The following FLNB variants were observed in gnomAD, a reference collection of about 807,000 sequenced individuals.
FLNB encodes the protein filamin-B.
FLNB carries 111 observed loss-of-function variants against 250.6 expected under a neutral mutation model. The ratio of observed to expected loss-of-function variants is 0.44; its 90% CI spans 0.38 to 0.52. The LOEUF (loss-of-function observed/expected upper bound fraction) is 0.52, where lower values mean the gene tolerates loss of function less well. FLNB is among the 20% of genes least tolerant of loss of function. The pLI is 0.00. For missense variants in FLNB, 2,869 were observed against 3,447.8 expected, an observed-to-expected ratio of 0.83 and a Z score of 4.20; for synonymous variants, 1,302 against 1,372.1, an observed-to-expected ratio of 0.95 and a Z score of 1.13.
chr3:58,125,962 C>T (rs756784602), intron 23 of FLNB, among the ~76,000 whole-genome samples: 3 of 152,224 alleles, frequency 2.0e-5, no homozygotes, highest in Non-Finnish European at 4.4e-5. Context: ...AACCAGGAGT[C>T]AATCAAGCTC....
chr3:58,038,974 C>T (rs1049282124), intron 1 of FLNB, among the ~76,000 whole-genome samples: 4 of 151,084 alleles, frequency 2.6e-5, no homozygotes, highest in Non-Finnish European at 4.4e-5. Flanking sequence ...TGCCTGTAAT[C>T]GCAGCACTTT....
In FLNB at chr3:58,121,218, C is replaced by G. The variant is rs1372035966; in HGVS notation, c.2864-23C>G. On this transcript the variant is annotated intron_variant, in intron 19 of 45. Transcript: ENST00000295956. ...CTGCTGAAAAGGGTCAGCTCTTCACCTCAGCTTGTGTTTCTTTTCCAGGGG... is the reference window on the plus strand; with the variant it reads ...CTGCTGAAAAGGGTCAGCTCTTCACGTCAGCTTGTGTTTCTTTTCCAGGGG... 6.2e-6 allele frequency: 10 copies of G among 1,614,194 alleles called. No individual in the cohort carries two copies. In the South Asian group the frequency reaches 9.9e-5, roughly 16 times the overall value.
chr3:58,090,077 G>A (rs1247721196), intron 4 of FLNB, among the ~76,000 whole-genome samples: 1 of 152,058 alleles, frequency 6.6e-6, no homozygotes, highest in Non-Finnish European at 1.5e-5. Flanking sequence ...GATTACAGGT[G>A]TGAGCCACTG....
chr3:58,134,883 T>G, intron 27 of FLNB, 111 bp downstream of exon 27: 1 of 1,030,108 alleles, frequency 9.7e-7, no homozygotes, highest in Non-Finnish European at 1.5e-6. Flanking sequence ...GCAAGTTGTT[T>G]GTTAGATTTT....
At position 58,069,366 on chromosome 3, in the gene FLNB, A is replaced by C. The variant is rs371606779; in HGVS notation, c.293-7680A>C. Reference sequence around the variant, plus strand: ...GTGATTCTTGTGCCTCAGCCTCCCAAGTAGCTGGGATTACAAGGTGCCCAC... The same window carrying C: ...GTGATTCTTGTGCCTCAGCCTCCCACGTAGCTGGGATTACAAGGTGCCCAC... On this transcript the variant is annotated intron_variant, in intron 1 of 45. Coordinates refer to ENST00000295956, the MANE Select transcript of FLNB (RefSeq NM_001457.4). Among the ~76,000 whole-genome samples the C allele has an allele frequency of 7.3e-5, 11 of 151,308 alleles. No homozygotes were observed. In the East Asian group the frequency reaches 9.8e-4, roughly 13 times the overall value.
intron 11 of FLNB, among the ~76,000 whole-genome samples, chr3:58,106,184 A>G (rs540603489): frequency 6.6e-6 from 1 of 152,184 alleles, no homozygotes; most frequent in South Asian, 2.1e-4. Context: ...CTGACTGTGT[A>G]TCCTTGGTAA....
Position 58,169,324 on chromosome 3 carries a change from G to T in FLNB, c.7418-266G>T. ...CACAGGCACATCTTTGGTGGGTAGG[G>T]GGTGGGGGGATTGGGAGGGTCCTTG... On this transcript the variant is annotated intron_variant, in intron 44 of 45. Transcript: ENST00000295956. This position sits in a 1 kb window ranked among gnomAD's most constrained non-coding sequence, Gnocchi z 4.8. 1 of 518,702 alleles carries T rather than the reference G, an allele frequency of 1.9e-6. No individual in the cohort carries two copies. Among genetic ancestry groups the T allele is most frequent in the Non-Finnish European group, 3.5e-6 (1 of 285,648 alleles). 32.1% of individuals were successfully genotyped at this position (518,702 alleles called of 1,614,324 possible).
At chr3:58,086,357 T>A (rs766511795) in intron 4 of FLNB, among the ~76,000 whole-genome samples, 5 of 152,218 alleles carry the variant, frequency 3.3e-5, no homozygotes, top group East Asian at 1.9e-4. Context: ...CTGAGTGTTA[T>A]GTAAATCTTA....
intron 19 of FLNB, among the ~76,000 whole-genome samples, chr3:58,119,746 C>T (rs1191848719): frequency 6.6e-6 from 1 of 151,930 alleles, no homozygotes; most frequent in Non-Finnish European, 1.5e-5. Flanking sequence ...TTAACCCTCA[C>T]CTCTCCTTCT....
chr3:58,057,972 G>A (rs537538426), intron 1 of FLNB, among the ~76,000 whole-genome samples: 10 of 152,094 alleles, frequency 6.6e-5, no homozygotes, highest in Non-Finnish European at 1.5e-4. Context: ...GTATTTTTAA[G>A]AGTTGGGGGT....
At chr3:58,077,618 A>C (rs2097203534) in intron 2 of FLNB, among the ~76,000 whole-genome samples, 1 of 152,230 alleles carries the variant, frequency 6.6e-6, no homozygotes, top group Admixed American at 6.5e-5. Context: ...ATTGGTGCTC[A>C]GTTTCTCATT....
intron 34 of FLNB, among the ~76,000 whole-genome samples, chr3:58,147,296 G>A (rs1323331630): frequency 1.3e-5 from 2 of 152,226 alleles, no homozygotes; most frequent in Non-Finnish European, 2.9e-5. Flanking sequence ...TACTGCAATA[G>A]TGCATGAAGT....
At chr3:58,145,044 C>T (rs2097333602) in intron 32 of FLNB, among the ~76,000 whole-genome samples, 1 of 152,174 alleles carries the variant, frequency 6.6e-6, no homozygotes, top group African/African-American at 2.4e-5. Flanking sequence ...TTGGCATTTA[C>T]TTTAGTTGTC....
chr3:58,029,894 G>C (rs998524730), intron 1 of FLNB, among the ~76,000 whole-genome samples: 2 of 152,068 alleles, frequency 1.3e-5, no homozygotes, highest in Non-Finnish European at 2.9e-5. Flanking sequence ...TGAGGCCTCC[G>C]TCCTCACTGC....
Position 58,126,764 on chromosome 3 carries a change from T to C in FLNB, c.4222+2T>C. The C allele has an allele frequency of 6.2e-7, 1 of 1,613,272 alleles. No individual in the cohort carries two copies. Among genetic ancestry groups the C allele is most frequent in the Non-Finnish European group, 8.5e-7 (1 of 1,179,334 alleles). ...CATATGGAGGAGCCCACATCCCCGG[T>C]GAGCTATTCCTCAGAGAGGACCCCA... is the stretch of plus-strand genomic sequence containing the variant. On this transcript the variant is annotated splice_donor_variant, in intron 24 of 45. Coordinates refer to ENST00000295956, the MANE Select transcript of FLNB (RefSeq NM_001457.4). LOFTEE classifies it high-confidence loss of function.
intron 1 of FLNB, among the ~76,000 whole-genome samples, chr3:58,069,838 T>G (rs977910671): frequency 6.6e-6 from 1 of 152,164 alleles, no homozygotes; most frequent in African/African-American, 2.4e-5. Flanking sequence ...ATTGAACATT[T>G]CAACCACCTG....
chr3:58,008,950 C>G, intron 1 of FLNB, 94 bp downstream of exon 1: 1 of 1,483,196 alleles, frequency 6.7e-7, no homozygotes, highest in Non-Finnish European at 9.4e-7. Flanking sequence ...CCGCAGCGCG[C>G]CCCCACCTCG....
At chr3:58,026,347 T>C (rs2097123596) in intron 1 of FLNB, among the ~76,000 whole-genome samples, 1 of 152,158 alleles carries the variant, frequency 6.6e-6, no homozygotes, top group African/African-American at 2.4e-5. Flanking sequence ...CTTTCCCTCC[T>C]AGCTCTTTGG....
chr3:58,093,406 C>A (rs2097231649), intron 4 of FLNB, among the ~76,000 whole-genome samples: 1 of 152,130 alleles, frequency 6.6e-6, no homozygotes. Flanking sequence ...AGTTCCTCTC[C>A]CTTCCCTGTA....
Sources: allele counts gnomAD v4.1 joint callset (sites outside exome capture counted in the v4.1 genomes callset), GRCh38; gene constraint gnomAD v4.1.1; non-coding constraint Gnocchi (gnomAD v3.1); transcripts MANE v1.5; gene names NCBI Gene and HGNC (gene_info 2026-07-23, HGNC 2026-07-21).